Variants in CFAP45 observed in about 807,000 individuals in gnomAD.
CFAP45 encodes the protein cilia- and flagella-associated protein 45.
CFAP45 carries 43 observed loss-of-function variants against 75.6 expected under a neutral mutation model. The ratio of observed to expected loss-of-function variants is 0.57; its 90% confidence interval spans 0.45 to 0.73. The LOEUF (loss-of-function observed/expected upper bound fraction) is 0.73, where lower values mean the gene tolerates loss of function less well. Ranked by LOEUF, CFAP45 falls within the 30% of genes least tolerant of loss-of-function variation. The pLI is 0.00. For missense variants in CFAP45, 689 were observed against 701.5 expected (o/e 0.98, Z 0.20); for synonymous variants, 223 against 244.6 (o/e 0.91, Z 0.82).
rs1430546041 is a variant in CFAP45 at position 159,890,059 on chromosome 1, G to C, written c.272+421C>G. Among the ~76,000 whole-genome samples, 3 of 152,190 alleles carry C rather than the reference G, an allele frequency of 2.0e-5. No individual in the cohort carries two copies. In the East Asian group the frequency reaches 5.8e-4, roughly 29 times the overall value. ...GGCCTTAGAGTCTGGGAGGAAGCCAGGGGGCTAATTAGGCATCTGGTCAGT... is the reference window on the plus strand; with the variant it reads ...GGCCTTAGAGTCTGGGAGGAAGCCACGGGGCTAATTAGGCATCTGGTCAGT... On this transcript the variant is annotated intron_variant, in intron 3 of 11. Coordinates refer to ENST00000368099, the MANE Select transcript of CFAP45 (RefSeq NM_012337.3).
chr1:159,886,431 T>C lies in CFAP45; in HGVS notation c.767+80A>G. ...GACAATAATGACCATTTCTCATCTC[T>C]TCCCTCTTTGCTAGGCTACATGGAC... is the stretch of plus-strand genomic sequence containing the variant. On this transcript the variant is annotated intron_variant, in intron 6 of 11. Coordinates refer to ENST00000368099, the MANE Select transcript of CFAP45 (RefSeq NM_012337.3). 5 of 1,199,646 alleles carry C rather than the reference T, an allele frequency of 4.2e-6. No homozygotes were observed. The South Asian group carries it at 6.2e-5, about 15-fold the overall frequency. 74.3% of individuals were successfully genotyped at this position (1,199,646 alleles called of 1,614,324 possible).
chr1:159,893,032 G>A, intron 2 of CFAP45, 148 bp downstream of exon 2: 1 of 807,470 alleles, frequency 1.2e-6, no homozygotes, highest in Middle Eastern at 3.6e-4. Context: ...CCAAAGCTCT[G>A]CAGCTCAGGT....
chr1:159,876,127 A>T (rs1424552009), intron 10 of CFAP45: 3 of 202,268 alleles, frequency 1.5e-5, no homozygotes, highest in East Asian at 1.1e-4. Flanking sequence ...TGAACGGCAA[A>T]CAGCTCCCTT....
chr1:159,872,859 C>T, intron 11 of CFAP45, 85 bp downstream of exon 11: 2 of 1,367,552 alleles, frequency 1.5e-6, no homozygotes, highest in Non-Finnish European at 2.1e-6. Flanking sequence ...GCCCTTCACC[C>T]CCAAATCCCC....
Position 159,873,099 on chromosome 1 carries a change from A to G in CFAP45, c.1422T>C (p.His474=). The G allele has an allele frequency of 6.2e-7, 1 of 1,614,078 alleles. No homozygotes were observed. The highest frequency in any genetic ancestry group is 2.2e-5 in the East Asian group (1 of 44,856). Residue 474 remains histidine, a synonymous_variant, in exon 11 of 12, where the codon CAT becomes CAC. Coordinates refer to ENST00000368099, the MANE Select transcript of CFAP45 (RefSeq NM_012337.3). Reference sequence around the variant, plus strand: ...GCACCTGGCGCCGGAGCTCATTGGCATGCTGTAAGCGCCCTGTGGCCTTTT... The same window carrying G: ...GCACCTGGCGCCGGAGCTCATTGGCGTGCTGTAAGCGCCCTGTGGCCTTTT... ...EEKKATGRLQ[H]ANELRRQVRE... is the part of the protein sequence containing the mutation.
chr1:159,890,461 C>A lies in CFAP45; in HGVS notation c.272+19G>T, dbSNP rs772198913. The A allele has an allele frequency of 6.2e-7, 1 of 1,613,340 alleles. No homozygotes were observed. ...AGGATGAGGACTGGACATAGAAGGG[C>A]AGGGGACGGTGTACTCACATGAGTT... On this transcript the variant is annotated intron_variant, in intron 3 of 11. Coordinates refer to ENST00000368099, the MANE Select transcript of CFAP45 (RefSeq NM_012337.3).
Position 159,890,567 on chromosome 1 carries a change from G to A in CFAP45, c.185C>T (p.Thr62Ile), listed in dbSNP as rs1649802170. 29 of 1,614,000 alleles carry A rather than the reference G, an allele frequency of 1.8e-5. No individual in the cohort carries two copies. Among genetic ancestry groups the A allele is most frequent in the Non-Finnish European group, 2.5e-5 (29 of 1,179,914 alleles). ...CAAAGCAGTGAGAGTTTTTTGAAGG[G>A]TATGCTTATCTCGGAGCAGCACAAT... ...SPIVLLRDKH[T>I]LQKTLTALGL... The change falls in exon 3 of 12, where the codon ACC (threonine) becomes ATC (isoleucine). Residue 62 changes from threonine (T) to isoleucine (I), a missense_variant. Thr to Ile is a moderately conservative substitution (Grantham distance 89). Transcript: ENST00000368099.
intron 8 of CFAP45, among the ~76,000 whole-genome samples, chr1:159,879,446 A>C (rs923360582): frequency 1.3e-5 from 2 of 152,230 alleles, no homozygotes; most frequent in African/African-American, 4.8e-5. Context: ...TTGAATCATC[A>C]GTGACCATTT....
intron 8 of CFAP45, among the ~76,000 whole-genome samples, chr1:159,879,779 A>C (rs1209680771): frequency 3.3e-5 from 5 of 152,234 alleles, no homozygotes; most frequent in Non-Finnish European, 7.3e-5. Context: ...ACTACTATAG[A>C]GGAGCATAGA....
chr1:159,877,558 A>T, intron 8 of CFAP45, 96 bp from the exon 9 acceptor site: 1 of 848,216 alleles, frequency 1.2e-6, no homozygotes, highest in Non-Finnish European at 2.1e-6. Context: ...TATCTCCCCT[A>T]CCACTTCCTG....
intron 2 of CFAP45, among the ~76,000 whole-genome samples, chr1:159,890,981 T>C (rs1571188136): frequency 6.6e-6 from 1 of 151,966 alleles, no homozygotes; most frequent in Non-Finnish European, 1.5e-5. Flanking sequence ...CTGGTCTCAA[T>C]CTCCTGACCT....
rs750185938 is a variant in CFAP45, at chr1:159,890,531, C to T, written c.221G>A (p.Arg74His). The change falls in exon 3 of 12, where the codon CGC becomes CAC. Residue 74 changes from arginine to histidine, a missense_variant. Coordinates refer to ENST00000368099, the MANE Select transcript of CFAP45 (RefSeq NM_012337.3). ...QKTLTALGLDRKPETIQLITR... is the reference protein window; with the variant it reads ...QKTLTALGLDHKPETIQLITR... ...GATGAGCTGGATGGTCTCTGGCTTG[C>T]GATCCAAGCCCAAAGCAGTGAGAGT... 1.7e-5 allele frequency: 28 copies of T among 1,613,734 alleles called. No individual in the cohort carries two copies. The East Asian group carries it at 2.7e-4, about 15-fold the overall frequency.
intron 5 of CFAP45, 99 bp downstream of exon 5, chr1:159,887,742 C>CA: frequency 7.9e-7 from 1 of 1,258,026 alleles, no homozygotes; most frequent in Non-Finnish European, 1.1e-6. Context: ...CCCCTGCCCA[C>CA]ACCCCCACCA....
chr1:159,873,485 G>A (rs1247121064), intron 10 of CFAP45: 2 of 375,302 alleles, frequency 5.3e-6, no homozygotes, highest in East Asian at 5.9e-5. Flanking sequence ...TTTGAACAAG[G>A]GAGTCCACAC....
At chr1:159,872,891 C>T (rs1649312331) in intron 11 of CFAP45, 53 bp downstream of exon 11, 10 of 1,537,398 alleles carry the variant, frequency 6.5e-6, no homozygotes, top group Non-Finnish European at 9.0e-6. Flanking sequence ...CCTGTGGTGC[C>T]ATCTCTTTGC....
rs1023163031 is a variant in CFAP45 at position 159,877,507 on chromosome 1, C to G, written c.1045-45G>C. 7 of 1,353,808 alleles carry G rather than the reference C, an allele frequency of 5.2e-6. No homozygotes were observed. The African/African-American group carries it at 8.6e-5, about 17-fold the overall frequency. The allele number at this position is 1,353,808 out of a possible 1,614,324, so 83.9% of individuals were successfully genotyped here. Reference sequence around the variant, plus strand: ...TGTAGAATAGTTGCCATTGCCCCAGCCTTGCAGAGAGAAACAAAACCCCTA... The same window carrying G: ...TGTAGAATAGTTGCCATTGCCCCAGGCTTGCAGAGAGAAACAAAACCCCTA... On this transcript the variant is annotated intron_variant, in intron 8 of 11. Coordinates refer to ENST00000368099, the MANE Select transcript of CFAP45 (RefSeq NM_012337.3).
At position 159,893,176 on chromosome 1, in the gene CFAP45, T is replaced by C. The variant is rs1649868356; in HGVS notation, c.129+4A>G. 1.9e-6 allele frequency: 3 copies of C among 1,613,560 alleles called. No homozygotes were observed. The highest frequency in any genetic ancestry group is 1.7e-5 in the Admixed American group (1 of 59,990). On this transcript the variant is annotated splice_donor_region_variant and intron_variant, in intron 2 of 11. Coordinates refer to ENST00000368099, the MANE Select transcript of CFAP45 (RefSeq NM_012337.3). ...TCAACTTGAAAGGACTTGTTGAGGATTACCTTGATATCTCCAAAGAGGCTC... is the reference window on the plus strand; with the variant it reads ...TCAACTTGAAAGGACTTGTTGAGGACTACCTTGATATCTCCAAAGAGGCTC...
chr1:159,880,889 T>G (rs1314645220), intron 7 of CFAP45, among the ~76,000 whole-genome samples, 189 bp from the exon 8 acceptor site: 1 of 152,176 alleles, frequency 6.6e-6, no homozygotes, highest in Non-Finnish European at 1.5e-5. Context: ...AAATGGCCTA[T>G]TTACAGTCTT....
chr1:159,872,392 T>C lies in CFAP45; in HGVS notation c.*93A>G. ...AAGTCAAGTAGATTTAATCTGTAAC[T>C]ATGAAATGTCTAGGTTAGCAGCAAT... On this transcript the variant is annotated 3_prime_UTR_variant, in exon 12 of 12. Coordinates refer to ENST00000368099, the MANE Select transcript of CFAP45 (RefSeq NM_012337.3). 1.0e-6 allele frequency: 1 copy of C among 974,542 alleles called. No homozygotes were observed. The highest frequency in any genetic ancestry group is 1.7e-6 in the Non-Finnish European group (1 of 601,792). 60.4% of individuals were successfully genotyped at this position (974,542 alleles called of 1,614,324 possible).
Sources: allele counts gnomAD v4.1 joint callset (sites outside exome capture counted in the v4.1 genomes callset), GRCh38; gene constraint gnomAD v4.1.1; transcripts MANE v1.5; gene names NCBI Gene and HGNC (gene_info 2026-07-23, HGNC 2026-07-21).